Variants in ZNF3 observed in about 807,000 individuals in gnomAD.
The protein encoded by ZNF3 is zinc finger protein 3.
A neutral mutation model predicts 36.9 loss-of-function variants in ZNF3; 16 were observed. That is an observed-to-expected ratio of 0.43 (90% confidence interval 0.29 to 0.66). The LOEUF is 0.66. Among genes scored for constraint, ZNF3 ranks in the 30% least tolerant of loss-of-function variants. The pLI is 0.13. For synonymous variants in ZNF3, 201 were observed against 201.9 expected, an observed-to-expected ratio of 1.00 and a Z score of 0.04; for missense variants, 462 against 543.1, an observed-to-expected ratio of 0.85 and a Z score of 1.48.
chr7:100,079,816 G>A (rs998137147), intron 1 of ZNF3, among the ~76,000 whole-genome samples, 160 bp from the exon 2 acceptor site: 2 of 152,036 alleles, frequency 1.3e-5, no homozygotes, highest in African/African-American at 4.8e-5. Context: ...TCCCAGCTCA[G>A]CCTCCCAAGG....
rs1424146465 is a variant in ZNF3 at position 100,070,698 on chromosome 7, A to G, written c.*445T>C. 2.0e-6 allele frequency: 2 copies of G among 995,478 alleles called. No individual in the cohort carries two copies. The highest frequency in any genetic ancestry group is 2.4e-6 in the Non-Finnish European group (2 of 835,698). The allele number at this position is 995,478 out of a possible 1,614,324, so 61.7% of individuals were successfully genotyped here. ...GTTTCTTACCGAAACTTAAAGCTGG[A>G]CTAGGAACAGTAGCTTTGAAATAGT... On this transcript the variant is annotated 3_prime_UTR_variant, in exon 6 of 6. Transcript: ENST00000299667.
intron 5 of ZNF3, among the ~76,000 whole-genome samples, chr7:100,072,911 G>C (rs989591357): frequency 1.3e-5 from 2 of 152,232 alleles, no homozygotes; most frequent in African/African-American, 4.8e-5. Context: ...AAAGGGTCCA[G>C]AGAGTTTGCG....
rs1794414928 is a variant in ZNF3, at chr7:100,078,160, T to TA, written c.-76-728dup. On this transcript the variant is annotated intron_variant, in intron 2 of 5. Transcript: ENST00000299667. The stretch of plus-strand genomic sequence containing the variant: ...CCCCCATCACTTTGAGTAATATTTA[T>TA]AACAAAATGCAGGAGCGGGTATATA... Among the ~76,000 whole-genome samples, 3 of 152,082 alleles carry TA rather than the reference T, an allele frequency of 2.0e-5. No homozygotes were observed. The South Asian group carries it at 6.2e-4, about 31-fold the overall frequency.
In ZNF3 at chr7:100,081,179, A is replaced by T. The variant is rs1338955963; in HGVS notation, c.-198+456T>A. Reference sequence around the variant, plus strand: ...GCACCCACTCCCAGCCCTCGTGCTAACTGCGTACGCTTAGCAGAATTTCTC... The same window carrying T: ...GCACCCACTCCCAGCCCTCGTGCTATCTGCGTACGCTTAGCAGAATTTCTC... On this transcript the variant is annotated intron_variant, in intron 1 of 5. Coordinates refer to ENST00000299667, the MANE Select transcript of ZNF3 (RefSeq NM_032924.5). The surrounding 1 kb of genome is among the most constrained non-coding windows in gnomAD (Gnocchi z 4.3). Among the ~76,000 whole-genome samples, 1 of 152,210 alleles carries T rather than the reference A, an allele frequency of 6.6e-6. No individual in the cohort carries two copies. Among genetic ancestry groups the T allele is most frequent in the Non-Finnish European group, 1.5e-5 (1 of 68,042 alleles).
rs543903245 is a variant in ZNF3 at position 100,073,336 on chromosome 7, T to C, written c.272-1124A>G. On this transcript the variant is annotated intron_variant, in intron 5 of 5. Transcript: ENST00000299667. ...CATCCTAAAAGTTGAGAAACTAATT[T>C]ATTAATCTTTCTTTTTTTGTTTTTG... Among the ~76,000 whole-genome samples, 9 of 152,174 alleles carry C rather than the reference T, an allele frequency of 5.9e-5. No homozygotes were observed. The South Asian group carries it at 1.9e-3, about 32-fold the overall frequency.
intron 2 of ZNF3, chr7:100,078,880 T>C (rs1400605545): frequency 6.6e-6 from 1 of 152,020 alleles, no homozygotes; most frequent in African/African-American, 2.4e-5. Flanking sequence ...TACACTCACA[T>C]AAGGCATCAA....
At chr7:100,073,668 A>G (rs1793585125) in intron 5 of ZNF3, among the ~76,000 whole-genome samples, 2 of 151,694 alleles carry the variant, frequency 1.3e-5, no homozygotes, top group South Asian at 4.2e-4. Context: ...TAACCTTTCT[A>G]AGTTTCTACA....
rs535472791 is a variant in ZNF3 at position 100,076,927 on chromosome 7, C to T, written c.55+376G>A. On this transcript the variant is annotated intron_variant, in intron 3 of 5. Coordinates refer to ENST00000299667, the MANE Select transcript of ZNF3 (RefSeq NM_032924.5). ...AAACCCCGTCTCTACAAAAATTAGCCGGGCATGGTGACGGGCGCCTGCAGT... is the reference window on the plus strand; with the variant it reads ...AAACCCCGTCTCTACAAAAATTAGCTGGGCATGGTGACGGGCGCCTGCAGT... 1.5e-3 allele frequency: 262 copies of T among 178,446 alleles called. 1 individual carries two copies. Among genetic ancestry groups the T allele is most frequent in the African/African-American group, 5.8e-3 (246 of 42,664 alleles). The allele number at this position is 178,446 out of a possible 1,614,324, so 11.1% of individuals were successfully genotyped here. A position where few individuals can be genotyped will look rare whatever the true frequency, so the allele number is the denominator to read the frequency against.
downstream of ZNF3, among the ~76,000 whole-genome samples, chr7:100,065,410 C>T (rs560520180): frequency 5.7e-4 from 85 of 149,562 alleles, no homozygotes; most frequent in African/African-American, 1.8e-3. Flanking sequence ...GGTGACAGAA[C>T]GAGACTCTGT....
Position 100,077,407 on chromosome 7 carries a change from C to T in ZNF3, c.-50G>A, listed in dbSNP as rs963646345. 20 of 1,611,990 alleles carry T rather than the reference C, an allele frequency of 1.2e-5. No individual in the cohort carries two copies. The highest frequency in any genetic ancestry group is 3.3e-5 in the South Asian group (3 of 91,004). ...TCCTGGGTGCAGACTCAGCGGGAAG[C>T]GGGTTTTAAAAGAGAATGAGGAAGC... On this transcript the variant is annotated 5_prime_UTR_variant, in exon 3 of 6. Transcript: ENST00000299667.
chr7:100,069,892 C>T (rs1562856888), downstream of ZNF3: 21 of 965,268 alleles, frequency 2.2e-5, no homozygotes, highest in Non-Finnish European at 2.6e-5. Flanking sequence ...GGATTACAGG[C>T]ATGAGCCACT....
Position 100,071,282 on chromosome 7 carries a change from C to G in ZNF3, c.1202G>C (p.Cys401Ser), listed in dbSNP as rs1174035909. ...TGENPYECSE[C>S]GKAFRYSSAL... ...CGAGCTGTACCTGAAGGCTTTCCCA[C>G]ACTCACTACATTCATAGGGGTTCTC... Residue 401 changes from cysteine to serine, a missense_variant, in exon 6 of 6, where the codon TGT becomes TCT. Cys to Ser is a moderately radical substitution (Grantham distance 112, BLOSUM62 -1). Coordinates refer to ENST00000299667, the MANE Select transcript of ZNF3 (RefSeq NM_032924.5). The G allele has an allele frequency of 6.2e-7, 1 of 1,614,150 alleles. No homozygotes were observed. Among genetic ancestry groups the G allele is most frequent in the Non-Finnish European group, 8.5e-7 (1 of 1,180,054 alleles).
upstream of ZNF3, chr7:100,082,211 C>T (rs1234866571): frequency 6.6e-6 from 1 of 152,240 alleles, no homozygotes; most frequent in Non-Finnish European, 1.5e-5. Flanking sequence ...AAATTACCCA[C>T]ATCTGAAGAA....
chr7:100,078,911 G>C (rs1289892150), intron 2 of ZNF3: 1 of 152,174 alleles, frequency 6.6e-6, no homozygotes, highest in Non-Finnish European at 1.5e-5. Context: ...ATGGATAAGA[G>C]AATGTTTGAG....
intron 5 of ZNF3, 36 bp from the exon 6 acceptor site, chr7:100,072,248 T>C: frequency 6.6e-7 from 1 of 1,507,128 alleles, no homozygotes; most frequent in South Asian, 1.3e-5. Flanking sequence ...CACTTGTTCC[T>C]TAGGGAAGAA....
At chr7:100,075,304 G>A (rs1194514110) in intron 4 of ZNF3, 43 bp from the exon 5 acceptor site, 7 of 1,613,278 alleles carry the variant, frequency 4.3e-6, no homozygotes, top group Non-Finnish European at 5.9e-6. Context: ...GGTGAGGAAT[G>A]TGAATGGCGG....
At chr7:100,076,105 TG>T (rs1397403034) in intron 3 of ZNF3, among the ~76,000 whole-genome samples, 1 of 151,788 alleles carries the variant, frequency 6.6e-6, no homozygotes, top group Admixed American at 6.6e-5. Context: ...CCCAAATAGC[TG>T]GGATTACAGT....
In ZNF3 at chr7:100,072,222, T is replaced by C. The variant is rs780211632; in HGVS notation, c.272-10A>G. The C allele has an allele frequency of 6.4e-7, 1 of 1,557,922 alleles. No homozygotes were observed. ...GTCCTGGTCTCACGATCTGACACAA[T>C]AAAAAATGCAAATGTCACTTGTTCC... On this transcript the variant is annotated splice_polypyrimidine_tract_variant and intron_variant, in intron 5 of 5. Transcript: ENST00000299667.
rs772766341 is a variant in ZNF3 at position 100,075,598 on chromosome 7, T to C, written c.88A>G (p.Lys30Glu). ...AACATCTCATCCCCCAGGCTGTCCTTGTCGGAAAAGGCAGGAACTTTTGAA... is the reference window on the plus strand; with the variant it reads ...AACATCTCATCCCCCAGGCTGTCCTCGTCGGAAAAGGCAGGAACTTTTGAA... ...LPSKVPAFSD[K>E]DSLGDEMLAA... is the part of the protein sequence containing the mutation. The change falls in exon 4 of 6, where the codon AAG (lysine) becomes GAG (glutamate). Residue 30 changes from lysine to glutamate, a missense_variant. By Grantham distance (56) the Lys-to-Glu change is moderately conservative. Coordinates refer to ENST00000299667, the MANE Select transcript of ZNF3 (RefSeq NM_032924.5). The C allele has an allele frequency of 3.7e-6, 6 of 1,613,984 alleles. No individual in the cohort carries two copies. Among genetic ancestry groups the C allele is most frequent in the Non-Finnish European group, 5.1e-6 (6 of 1,180,024 alleles).
Sources: gnomAD v4.1 joint callset for allele counts (sites outside exome capture counted in the v4.1 genomes callset) on GRCh38, gnomAD v4.1.1 for gene constraint, Gnocchi (gnomAD v3.1) non-coding constraint, MANE v1.5 for transcripts, NCBI Gene and HGNC (gene_info 2026-07-23, HGNC 2026-07-21) for gene names.